Variants in CDK19 observed in about 807,000 individuals in gnomAD.
The protein encoded by CDK19 is cyclin-dependent kinase 19.
A neutral mutation model predicts 68.3 loss-of-function variants in CDK19; 20 were observed. The observed-to-expected ratio is 0.29, with a 90% confidence interval of 0.21 to 0.43. CDK19 has a LOEUF of 0.43. CDK19 is among the 20% of genes least tolerant of loss of function. The pLI is 1.00. For synonymous variants in CDK19, 221 were observed against 222.8 expected (o/e 0.99, Z 0.07); for missense variants, 339 against 623.5 (o/e 0.54, Z 4.86).
At chr6:110,682,739 G>A (rs1254513977) in intron 2 of CDK19, among the ~76,000 whole-genome samples, 1 of 152,198 alleles carries the variant, frequency 6.6e-6, no homozygotes, top group Non-Finnish European at 1.5e-5. Flanking sequence ...ATCAGAGGCT[G>A]AGTTTGAATC....
At chr6:110,707,177 A>G (rs560090811) in intron 2 of CDK19, among the ~76,000 whole-genome samples, 19 of 152,064 alleles carry the variant, frequency 1.2e-4, no homozygotes, top group African/African-American at 4.6e-4. Flanking sequence ...CTCTACTAAA[A>G]ATACAAAAAT....
chr6:110,704,471 T>G (rs1278621293), intron 2 of CDK19, among the ~76,000 whole-genome samples: 1 of 152,182 alleles, frequency 6.6e-6, no homozygotes, highest in Non-Finnish European at 1.5e-5. Context: ...TTCCTTTCCA[T>G]TCATTAAATC....
At chr6:110,725,270 CA>C (rs1167267579) in intron 2 of CDK19, among the ~76,000 whole-genome samples, 1 of 151,844 alleles carries the variant, frequency 6.6e-6, no homozygotes, top group African/African-American at 2.4e-5. Context: ...TAAAAAATCC[CA>C]AAAGACTGAG....
At chr6:110,687,523 T>C (rs1033355852) in intron 2 of CDK19, among the ~76,000 whole-genome samples, 2 of 152,210 alleles carry the variant, frequency 1.3e-5, no homozygotes, top group Admixed American at 6.5e-5. Context: ...AAATAGTTAC[T>C]GTATTGTTTC....
At chr6:110,724,466 C>T (rs1776180033) in intron 2 of CDK19, among the ~76,000 whole-genome samples, 1 of 152,138 alleles carries the variant, frequency 6.6e-6, no homozygotes, top group Non-Finnish European at 1.5e-5. Context: ...AATCTTCCTC[C>T]CCAAATTTTA....
rs775249337 is a variant in CDK19, at chr6:110,667,595, T to C, written c.316-21A>G. ...ATATGCTAAAAATTAAAAAAAAACA[T>C]AATAATATAGTCTTTGCTAATATCT... On this transcript the variant is annotated intron_variant, in intron 3 of 12. Transcript: ENST00000368911. 5 of 1,308,372 alleles carry C rather than the reference T, an allele frequency of 3.8e-6. No homozygotes were observed. In the Admixed American group the frequency reaches 1.0e-4, roughly 27 times the overall value. 81.0% of individuals were successfully genotyped at this position (1,308,372 alleles called of 1,614,324 possible).
At chr6:110,654,383 A>G (rs923660742) in intron 4 of CDK19, among the ~76,000 whole-genome samples, 1 of 152,220 alleles carries the variant, frequency 6.6e-6, no homozygotes, top group African/African-American at 2.4e-5. Flanking sequence ...TTACCCCTTA[A>G]AACAACTTCA....
At chr6:110,616,751 T>C (rs1213487397) in intron 12 of CDK19, among the ~76,000 whole-genome samples, 1 of 152,196 alleles carries the variant, frequency 6.6e-6, no homozygotes, top group East Asian at 1.9e-4. Flanking sequence ...ACAGAAGTCT[T>C]TAAAAATTCC....
chr6:110,812,105 C>G (rs1395178793), intron 1 of CDK19, among the ~76,000 whole-genome samples: 10 of 150,996 alleles, frequency 6.6e-5, no homozygotes, highest in African/African-American at 1.9e-4. Context: ...TCCTGCAAAA[C>G]AAAAAGGTGA....
intron 2 of CDK19, among the ~76,000 whole-genome samples, chr6:110,724,243 A>G (rs555255970): frequency 6.6e-5 from 10 of 152,224 alleles, no homozygotes; most frequent in African/African-American, 2.4e-4. Flanking sequence ...AATCCCAGCT[A>G]CTTGGGAAGG....
chr6:110,710,518 T>C (rs529363763), intron 2 of CDK19, among the ~76,000 whole-genome samples: 5 of 152,198 alleles, frequency 3.3e-5, no homozygotes, highest in South Asian at 2.1e-4. Flanking sequence ...CAAATTACCA[T>C]AGAACGGTTA....
intron 1 of CDK19, among the ~76,000 whole-genome samples, chr6:110,772,878 G>A (rs372376736): frequency 7.0e-6 from 1 of 143,314 alleles, no homozygotes; most frequent in African/African-American, 2.5e-5. Flanking sequence ...GGGAAATAGT[G>A]AGTCCCTGTC....
intron 5 of CDK19, among the ~76,000 whole-genome samples, chr6:110,634,934 C>T (rs1336370089): frequency 6.6e-6 from 1 of 152,204 alleles, no homozygotes; most frequent in Non-Finnish European, 1.5e-5. Context: ...GGAAAAAATA[C>T]ATACTTTTAA....
Position 110,653,638 on chromosome 6 carries a change from T to C in CDK19, c.456+13796A>G, listed in dbSNP as rs547228720. On this transcript the variant is annotated intron_variant, in intron 4 of 12. Transcript: ENST00000368911. The stretch of plus-strand genomic sequence containing the variant: ...TTAAGTTATCGGCAATAAAATCAGA[T>C]AGATAAACCAATGCCCAGGGTTCAT... Among the ~76,000 whole-genome samples the C allele has an allele frequency of 4.6e-5, 7 of 152,270 alleles. No homozygotes were observed. The South Asian group carries it at 1.4e-3, about 32-fold the overall frequency.
chr6:110,681,758 A>G (rs1360670827), intron 2 of CDK19, among the ~76,000 whole-genome samples: 1 of 152,196 alleles, frequency 6.6e-6, no homozygotes, highest in Admixed American at 6.5e-5. Context: ...GTAGACCATT[A>G]TTTTCCTGTG....
chr6:110,785,981 A>T (rs552850541), intron 1 of CDK19, among the ~76,000 whole-genome samples: 4,089 of 117,120 alleles, frequency 0.035, 78 homozygotes, highest in South Asian at 0.11. Flanking sequence ...ACTCCATCTC[A>T]AAAAAAAAAA....
At chr6:110,805,483 C>G (rs976626146) in intron 1 of CDK19, among the ~76,000 whole-genome samples, 50 of 151,856 alleles carry the variant, frequency 3.3e-4, no homozygotes, top group South Asian at 1.7e-3. Context: ...TTTTTCAAAA[C>G]AAATAGATGT....
Position 110,613,877 on chromosome 6 carries a change from C to T in CDK19, c.*658G>A, listed in dbSNP as rs1273740951. The T allele has an allele frequency of 1.3e-5, 2 of 152,624 alleles. No individual in the cohort carries two copies. The highest frequency in any genetic ancestry group is 2.1e-4 in the South Asian group (1 of 4,834). The allele number at this position is 152,624 out of a possible 1,614,324, so 9.5% of individuals were successfully genotyped here. On this transcript the variant is annotated 3_prime_UTR_variant, in exon 13 of 13. Coordinates refer to ENST00000368911, the MANE Select transcript of CDK19 (RefSeq NM_015076.5). ...AAAATTACCACATACTTCAGTTCTT[C>T]GTGGCATAAAGCACATAACTGCAAA...
intron 1 of CDK19, among the ~76,000 whole-genome samples, chr6:110,810,021 G>C (rs1465524788): frequency 6.6e-6 from 1 of 152,098 alleles, no homozygotes; most frequent in East Asian, 1.9e-4. Context: ...AAGGGGGAGG[G>C]AAGAATGGCA....
Sources: gnomAD v4.1 joint callset for allele counts (sites outside exome capture counted in the v4.1 genomes callset) on GRCh38, gnomAD v4.1.1 for gene constraint, MANE v1.5 for transcripts, NCBI Gene and HGNC (gene_info 2026-07-23, HGNC 2026-07-21) for gene names.